Variants in WDR49 observed in about 807,000 individuals in gnomAD.
WDR49 encodes the protein cilia- and flagella-associated protein 337.
A neutral mutation model predicts 119.5 loss-of-function variants in WDR49; 107 were observed. That is an observed-to-expected ratio of 0.90 (90% CI 0.77 to 1.05). The LOEUF is 1.05. Ranked by LOEUF, WDR49 falls within the 50% of genes least tolerant of loss-of-function variation. The pLI is 0.00. For synonymous variants in WDR49, 425 were observed against 418.8 expected, an observed-to-expected ratio of 1.01 and a Z score of -0.18; for missense variants, 1,240 against 1,220.5, an observed-to-expected ratio of 1.02 and a Z score of -0.24.
intron 17 of WDR49, among the ~76,000 whole-genome samples, chr3:167,503,844 G>T (rs1056346693): frequency 4.6e-5 from 7 of 152,250 alleles, no homozygotes; most frequent in Non-Finnish European, 7.3e-5. Flanking sequence ...CCCAAAGGTG[G>T]TTGCCGTTGC....
At chr3:167,528,828 T>A (rs951009933) in intron 14 of WDR49, among the ~76,000 whole-genome samples, 9 of 152,160 alleles carry the variant, frequency 5.9e-5, no homozygotes, top group African/African-American at 1.9e-4. Context: ...CTAAATTGGA[T>A]GACTTACTTA....
At chr3:167,594,542 A>T (rs949236679) in intron 7 of WDR49, among the ~76,000 whole-genome samples, 6 of 152,222 alleles carry the variant, frequency 3.9e-5, no homozygotes, top group African/African-American at 1.4e-4. Context: ...AGTCATATTC[A>T]TTCCAAAGAG....
intron 16 of WDR49, among the ~76,000 whole-genome samples, chr3:167,521,995 TAG>T (rs1560266129): frequency 1.3e-4 from 19 of 144,818 alleles, no homozygotes; most frequent in East Asian, 4.2e-4. Context: ...GATAGATAGA[TAG>T]ATAGATAGAT....
chr3:167,569,740 A>G (rs950117181), intron 8 of WDR49, among the ~76,000 whole-genome samples: 1 of 152,064 alleles, frequency 6.6e-6, no homozygotes, highest in Non-Finnish European at 1.5e-5. Context: ...GTGATGTTGA[A>G]GGATCAACTG....
At chr3:167,579,243 G>T (rs912013068) in intron 7 of WDR49, among the ~76,000 whole-genome samples, 3 of 152,020 alleles carry the variant, frequency 2.0e-5, no homozygotes, top group Non-Finnish European at 2.9e-5. Context: ...ACAGACATAG[G>T]TAGTGTTCAA....
rs770856492 is a variant in WDR49, at chr3:167,478,877, ATTAC to A, written c.3147_3150del (p.Lys1049AsnfsTer11). On this transcript the variant is annotated frameshift_variant and stop_lost, in exon 19 of 19. Transcript: ENST00000682715. LOFTEE classifies it high-confidence loss of function. Reference sequence around the variant, plus strand: ...TAACAGTGAAGGTTTTTCTGTTGTAATTACTTCTTATTTTTCTTCACTTCACAAC... The same window carrying A: ...TAACAGTGAAGGTTTTTCTGTTGTAATTCTTATTTTTCTTCACTTCACAAC... The A allele has an allele frequency of 4.3e-5, 69 of 1,593,474 alleles. No homozygotes were observed. The African/African-American group carries it at 6.8e-4, about 16-fold the overall frequency.
chr3:167,545,453 CGTCA>C (rs1274705407), intron 10 of WDR49, among the ~76,000 whole-genome samples: 4 of 144,484 alleles, frequency 2.8e-5, no homozygotes, highest in African/African-American at 1.0e-4. Flanking sequence ...CCCAAATGCC[CGTCA>C]ATCAATAAGT....
At chr3:167,584,350 C>G (rs1714702240) in intron 7 of WDR49, among the ~76,000 whole-genome samples, 1 of 152,102 alleles carries the variant, frequency 6.6e-6, no homozygotes, top group African/African-American at 2.4e-5. Context: ...AGCTCTTTCT[C>G]AATATCTTAA....
intron 16 of WDR49, among the ~76,000 whole-genome samples, chr3:167,518,298 G>C (rs1222453677): frequency 3.4e-5 from 5 of 148,822 alleles, no homozygotes; most frequent in African/African-American, 9.9e-5. Context: ...AGATCCCTGA[G>C]GAATCGCCAC....
At chr3:167,650,267 T>G (rs1049908006) in intron 2 of WDR49, among the ~76,000 whole-genome samples, 2 of 152,156 alleles carry the variant, frequency 1.3e-5, no homozygotes, top group African/African-American at 4.8e-5. Flanking sequence ...TCAAAGAAAA[T>G]GTAAAATATG....
chr3:167,637,377 G>T (rs966669286), intron 2 of WDR49, among the ~76,000 whole-genome samples: 86 of 151,940 alleles, frequency 5.7e-4, no homozygotes, highest in African/African-American at 2.1e-3. Flanking sequence ...CAAGTACCAT[G>T]CTGTTTTGGT....
At chr3:167,523,868 G>GT (rs1752543875) in intron 15 of WDR49, among the ~76,000 whole-genome samples, 1 of 152,128 alleles carries the variant, frequency 6.6e-6, no homozygotes, top group Non-Finnish European at 1.5e-5. Context: ...ATGTGCATGT[G>GT]TATTTAATAG....
intron 10 of WDR49, among the ~76,000 whole-genome samples, chr3:167,549,528 T>C (rs547337895): frequency 1.3e-5 from 2 of 152,312 alleles, no homozygotes; most frequent in South Asian, 4.1e-4. Flanking sequence ...TCACCCGCTT[T>C]TTCCTGGGGT....
chr3:167,493,513 CAT>C (rs1751231385), intron 18 of WDR49, among the ~76,000 whole-genome samples: 2 of 152,116 alleles, frequency 1.3e-5, no homozygotes, highest in African/African-American at 4.8e-5. Flanking sequence ...GTGGGTTTGC[CAT>C]TCAGTGAGGC....
chr3:167,522,545 G>A lies in WDR49; in HGVS notation c.2605-61C>T, dbSNP rs1188873517. On this transcript the variant is annotated intron_variant, in intron 15 of 18. Coordinates refer to ENST00000682715, the MANE Select transcript of WDR49 (RefSeq NM_001366157.1). ...AAATTTATTTTCTTCAAACATTTACGTGTGTTTACCATGTGCTGGATTACT... is the reference window on the plus strand; with the variant it reads ...AAATTTATTTTCTTCAAACATTTACATGTGTTTACCATGTGCTGGATTACT... The A allele has an allele frequency of 3.2e-5, 48 of 1,520,342 alleles. 1 individual carries two copies. The highest frequency in any genetic ancestry group is 1.6e-4 in the South Asian group (13 of 80,964). The allele number at this position is 1,520,342 out of a possible 1,614,324, so 94.2% of individuals were successfully genotyped here.
At chr3:167,657,876 G>A (rs184063544), upstream of WDR49, among the ~76,000 whole-genome samples, 5 of 152,274 alleles carry the variant, frequency 3.3e-5, no homozygotes, top group Admixed American at 2.6e-4. Flanking sequence ...CCAGACACCC[G>A]CTGGCTCTGT....
chr3:167,626,786 A>G, intron 3 of WDR49, 66 bp downstream of exon 3: 1 of 1,182,196 alleles, frequency 8.5e-7, no homozygotes, highest in Non-Finnish European at 1.1e-6. Context: ...ACTGCTAGCC[A>G]GGAGCCCTGC....
chr3:167,636,251 A>G (rs1244511099), intron 2 of WDR49, among the ~76,000 whole-genome samples: 1 of 151,706 alleles, frequency 6.6e-6, no homozygotes, highest in Admixed American at 6.6e-5. Context: ...CACTTAGAAT[A>G]ATAGTCTCCA....
intron 2 of WDR49, among the ~76,000 whole-genome samples, chr3:167,642,059 A>G (rs187474053): frequency 2.5e-4 from 38 of 152,098 alleles, no homozygotes; most frequent in Non-Finnish European, 4.3e-4. Flanking sequence ...GATAGGGAAG[A>G]GAGTAAAATT....
Sources: allele counts gnomAD v4.1 joint callset (sites outside exome capture counted in the v4.1 genomes callset), GRCh38; gene constraint gnomAD v4.1.1; transcripts MANE v1.5; gene names NCBI Gene and HGNC (gene_info 2026-07-23, HGNC 2026-07-21).